Variants in NLRP6 observed in about 807,000 individuals in gnomAD.
The protein encoded by NLRP6 is NACHT, LRR and PYD domains-containing protein 6.
NLRP6 carries 55 observed loss-of-function variants against 70.9 expected under a neutral mutation model. That is an observed-to-expected ratio of 0.78 (90% confidence interval 0.62 to 0.97). The LOEUF (loss-of-function observed/expected upper bound fraction) is 0.97. Among genes scored for constraint, NLRP6 ranks in the 50% least tolerant of loss-of-function variants. The pLI is 0.00. For missense variants in NLRP6, 1,241 were observed against 1,238.3 expected (o/e 1.00, Z -0.03); for synonymous variants, 652 against 581.9 (o/e 1.12, Z -1.73).
In NLRP6 at chr11:280,651, G is replaced by C. The variant is rs770218203; in HGVS notation, c.917G>C (p.Arg306Pro). The change falls in exon 4 of 8, where the codon CGG (arginine) becomes CCG (proline). Residue 306 changes from arginine to proline, a missense_variant. By Grantham distance (103) the Arg-to-Pro change is moderately radical. Transcript: ENST00000534750. The part of the protein sequence containing the change: ...TDPFEAASGA[R>P]VLGGLLSKAL... ...CCCTTCGAGGCGGCGAGCGGCGCGC[G>C]GGTGCTAGGCGGGCTGCTGAGCAAG... is the stretch of plus-strand genomic sequence containing the variant. The C allele has an allele frequency of 1.4e-5, 21 of 1,515,552 alleles. No homozygotes were observed. The highest frequency in any genetic ancestry group is 2.9e-5 in the African/African-American group (2 of 69,320). 93.9% of individuals were successfully genotyped at this position (1,515,552 alleles called of 1,614,324 possible). A position where few individuals can be genotyped will look rare whatever the true frequency, so the allele number is the denominator to read the frequency against.
rs750538551 is a variant in NLRP6, at chr11:284,490, C to A, written c.2385C>A (p.Asp795Glu). The A allele has an allele frequency of 1.2e-6, 2 of 1,612,818 alleles. No homozygotes were observed. The highest frequency in any genetic ancestry group is 1.7e-6 in the Non-Finnish European group (2 of 1,179,780). The part of the protein sequence containing the change: ...RVQTVRVQLP[D>E]PQRGLQYLVG... ...CCTCCCACAGGGTACAGCTGCCTGA[C>A]CCCCAGCGAGGGCTCCAGTACCTGG... Residue 795 changes from aspartate (D) to glutamate (E), a missense_variant, in exon 7 of 8, where the codon GAC (aspartate) becomes GAA (glutamate). Asp to Glu is a conservative substitution (Grantham distance 45). Transcript: ENST00000534750.
rs1455306989 is a variant in NLRP6, at chr11:280,255, C to T, written c.521C>T (p.Ala174Val). Residue 174 changes from alanine (A) to valine (V), a missense_variant, in exon 4 of 8, where the codon GCG (alanine) becomes GTG (valine). Ala to Val is a moderately conservative substitution (Grantham distance 64). Transcript: ENST00000534750. ...GCGGAAGAGCCTGAGCCGGGGCGCG[C>T]GCGGCGCTCGGACACGCACACTTTC... ...GPAEEPEPGR[A>V]RRSDTHTFNR... 2 of 1,524,578 alleles carry T rather than the reference C, an allele frequency of 1.3e-6. No homozygotes were observed. Among genetic ancestry groups the T allele is most frequent in the East Asian group, 2.5e-5 (1 of 40,088 alleles). 94.4% of individuals were successfully genotyped at this position (1,524,578 alleles called of 1,614,324 possible).
chr11:280,035 C>T, intron 3 of NLRP6, 49 bp from the exon 4 acceptor site: 1 of 1,438,014 alleles, frequency 7.0e-7, no homozygotes, highest in Non-Finnish European at 9.2e-7. Flanking sequence ...AGGGCGCAGC[C>T]TGCCCCACCT....
At chr11:285,056 C>A in intron 7 of NLRP6, 110 bp from the exon 8 acceptor site, 2 of 931,392 alleles carry the variant, frequency 2.1e-6, no homozygotes, top group Admixed American at 2.3e-5. Flanking sequence ...GCCACCCCCA[C>A]GGCACTGCCC....
chr11:279,962 G>A, intron 3 of NLRP6, 90 bp downstream of exon 3: 1 of 1,419,362 alleles, frequency 7.0e-7, no homozygotes, highest in Non-Finnish European at 9.3e-7. Context: ...CCAGGGGCGT[G>A]GGCTGTGGTC....
At chr11:279,797 C>G in intron 2 of NLRP6, 37 bp from the exon 3 acceptor site, 1 of 1,576,750 alleles carries the variant, frequency 6.3e-7, no homozygotes, top group Non-Finnish European at 8.6e-7. Flanking sequence ...CCCCTGTTCC[C>G]GCCCTCGGCG....
At chr11:283,534 C>T (rs956265840) in intron 5 of NLRP6, among the ~76,000 whole-genome samples, 42 of 152,112 alleles carry the variant, frequency 2.8e-4, no homozygotes, top group Middle Eastern at 3.4e-3. Flanking sequence ...AGGATAGTCT[C>T]GATCTCCTGA....
chr11:282,637 A>C, intron 4 of NLRP6, 68 bp from the exon 5 acceptor site: 13 of 1,206,798 alleles, frequency 1.1e-5, no homozygotes, highest in African/African-American at 1.5e-5. Context: ...CTACAGATAG[A>C]CAGGAGTCCT....
intron 5 of NLRP6, among the ~76,000 whole-genome samples, chr11:283,191 G>A (rs962754681): frequency 1.3e-5 from 2 of 152,128 alleles, no homozygotes. Context: ...AATGCTAGCC[G>A]GCTTCTGCGT....
At position 279,503 on chromosome 11, in the gene NLRP6, C is replaced by T. The variant is rs1845435373; in HGVS notation, c.206C>T (p.Ala69Val). 1 of 1,456,916 alleles carries T rather than the reference C, an allele frequency of 6.9e-7. No homozygotes were observed. Among genetic ancestry groups the T allele is most frequent in the Non-Finnish European group, 9.0e-7 (1 of 1,105,952 alleles). The allele number at this position is 1,456,916 out of a possible 1,614,324, so 90.2% of individuals were successfully genotyped here. The part of the protein sequence containing the change: ...ADAVDLAEQL[A>V]QFYGPEPALE... ...GCCGTGGACCTCGCGGAGCAGCTGG[C>T]CCAGTTCTACGGCCCGGAGCCTGCC... The change falls in exon 2 of 8, where the codon GCC becomes GTC. Residue 69 changes from alanine (A) to valine (V), a missense_variant. Ala to Val is a moderately conservative substitution (Grantham distance 64). Transcript: ENST00000534750.
chr11:278,591 TG>T lies in NLRP6; in HGVS notation c.23del (p.Cys8SerfsTer22). 1 of 1,590,392 alleles carries T rather than the reference TG, an allele frequency of 6.3e-7. No homozygotes were observed. The highest frequency in any genetic ancestry group is 1.1e-5 in the South Asian group (1 of 87,976). The part of the protein sequence containing the change: MDQPEAP[C>X]SSTGPRLAVA... Reference sequence around the variant, plus strand: ...CCCCATGGACCAGCCAGAGGCCCCCTGCTCCAGGTGAGTGCTGGCCCCAGGG... The same window carrying T: ...CCCCATGGACCAGCCAGAGGCCCCCTCTCCAGGTGAGTGCTGGCCCCAGGG... On this transcript the variant is annotated frameshift_variant, in exon 1 of 8. Coordinates refer to ENST00000534750, the MANE Select transcript of NLRP6 (RefSeq NM_001276700.2). LOFTEE classifies it high-confidence loss of function. This position sits in a 1 kb window ranked among gnomAD's most constrained non-coding sequence, Gnocchi z 4.7.
chr11:280,779 T>A lies in NLRP6; in HGVS notation c.1045T>A (p.Phe349Ile). 6.2e-7 allele frequency: 1 copy of A among 1,612,158 alleles called. No homozygotes were observed. Among genetic ancestry groups the A allele is most frequent in the South Asian group, 1.1e-5 (1 of 91,056 alleles). The change falls in exon 4 of 8, where the codon TTC (phenylalanine) becomes ATC (isoleucine). Residue 349 changes from phenylalanine (F) to isoleucine (I), a missense_variant. Coordinates refer to ENST00000534750, the MANE Select transcript of NLRP6 (RefSeq NM_001276700.2). ...CCCGCAGTGCGCCGAGGTGCGCGGC[T>A]TCTCCGACAAGGACAAGAAGAAGTA... is the stretch of plus-strand genomic sequence containing the variant. The part of the protein sequence containing the change: ...CSPQCAEVRG[F>I]SDKDKKKYFY...
intron 2 of NLRP6, 33 bp downstream of exon 2, chr11:279,640 G>A (rs892461953): frequency 5.3e-5 from 74 of 1,384,222 alleles, no homozygotes; most frequent in Non-Finnish European, 6.6e-5. Flanking sequence ...CTCCTGTCTG[G>A]GCAGAGGCTG....
In NLRP6 at chr11:284,145, AC is replaced by A; in HGVS notation, c.2199-83del. ...ACATCTCTCAGCTGAACCCTGGGCC[AC>A]CGGGCAGCGGGCATTTTGTGCAGTT... On this transcript the variant is annotated intron_variant, in intron 5 of 7. Coordinates refer to ENST00000534750, the MANE Select transcript of NLRP6 (RefSeq NM_001276700.2). 2.4e-6 allele frequency: 3 copies of A among 1,271,146 alleles called. No individual in the cohort carries two copies. The East Asian group carries it at 7.1e-5, about 30-fold the overall frequency. 78.7% of individuals were successfully genotyped at this position (1,271,146 alleles called of 1,614,324 possible). A position where few individuals can be genotyped will look rare whatever the true frequency, so the allele number is the denominator to read the frequency against.
chr11:284,109 G>A, intron 5 of NLRP6, 121 bp from the exon 6 acceptor site: 2 of 845,720 alleles, frequency 2.4e-6, no homozygotes, highest in South Asian at 1.6e-5. Context: ...AGGGAAGGAT[G>A]TGGCACCAAC....
chr11:280,836 G>A lies in NLRP6; in HGVS notation c.1102G>A (p.Ala368Thr). ...FYKYFRDERR[A>T]ERAYRFVKEN... is the part of the protein sequence containing the mutation. ...CAAGTATTTCCGGGATGAGAGGAGGGCCGAGCGCGCCTACCGCTTCGTGAA... is the reference window on the plus strand; with the variant it reads ...CAAGTATTTCCGGGATGAGAGGAGGACCGAGCGCGCCTACCGCTTCGTGAA... The change falls in exon 4 of 8, where the codon GCC becomes ACC. Residue 368 changes from alanine to threonine, a missense_variant. Physicochemically the swap from Ala to Thr is moderately conservative, Grantham distance 58 (BLOSUM62 0). Coordinates refer to ENST00000534750, the MANE Select transcript of NLRP6 (RefSeq NM_001276700.2). 1 of 1,613,250 alleles carries A rather than the reference G, an allele frequency of 6.2e-7. No individual in the cohort carries two copies.
Position 280,853 on chromosome 11 carries a change from C to T in NLRP6, c.1119C>T (p.Arg373=). 1 of 1,613,422 alleles carries T rather than the reference C, an allele frequency of 6.2e-7. No homozygotes were observed. Among genetic ancestry groups the T allele is most frequent in the South Asian group, 1.1e-5 (1 of 91,092 alleles). ...RDERRAERAY[R]FVKENETLFA... The stretch of plus-strand genomic sequence containing the variant: ...AGAGGAGGGCCGAGCGCGCCTACCG[C>T]TTCGTGAAGGAGAACGAGACGCTGT... Residue 373 remains arginine (R), a synonymous_variant, in exon 4 of 8, where the codon CGC becomes CGT. Transcript: ENST00000534750.
In NLRP6 at chr11:280,261, G is replaced by A; in HGVS notation, c.527G>A (p.Arg176His). 1 of 1,522,124 alleles carries A rather than the reference G, an allele frequency of 6.6e-7. No individual in the cohort carries two copies. The allele number at this position is 1,522,124 out of a possible 1,614,324, so 94.3% of individuals were successfully genotyped here. A position where few individuals can be genotyped will look rare whatever the true frequency, so the allele number is the denominator to read the frequency against. The change falls in exon 4 of 8, where the codon CGC (arginine) becomes CAC (histidine). Residue 176 changes from arginine (R) to histidine (H), a missense_variant. Physicochemically the swap from Arg to His is conservative, Grantham distance 29. Transcript: ENST00000534750. ...AEEPEPGRAR[R>H]SDTHTFNRLF... ...GAGCCTGAGCCGGGGCGCGCGCGGC[G>A]CTCGGACACGCACACTTTCAACCGC...
chr11:284,748 A>G, intron 7 of NLRP6, 106 bp downstream of exon 7: 1 of 1,085,148 alleles, frequency 9.2e-7, no homozygotes, highest in Non-Finnish European at 1.3e-6. Context: ...CCCCTCCCAG[A>G]GACCTCCCAT....
Sources: gnomAD v4.1 joint callset for allele counts (sites outside exome capture counted in the v4.1 genomes callset) on GRCh38, gnomAD v4.1.1 for gene constraint, Gnocchi (gnomAD v3.1) non-coding constraint, MANE v1.5 for transcripts, NCBI Gene and HGNC (gene_info 2026-07-23, HGNC 2026-07-21) for gene names.